Variants in MARCHF1 observed in about 807,000 individuals in gnomAD.
MARCHF1 encodes membrane associated ring-CH-type finger 1.
In MARCHF1, 40 loss-of-function variants were observed where a neutral mutation model predicts 54.2. The observed-to-expected ratio is 0.74, with a 90% confidence interval of 0.57 to 0.96. MARCHF1 has a LOEUF of 0.96. MARCHF1 is among the 40% of genes least tolerant of loss of function. The pLI is 0.00. For synonymous variants in MARCHF1, 236 were observed against 236.3 expected (o/e 1.00, Z 0.01); for missense variants, 586 against 656.5 (o/e 0.89, Z 1.17).
chr4:164,138,334 G>A (rs1252875563), intron 1 of MARCHF1, among the ~76,000 whole-genome samples: 1 of 151,666 alleles, frequency 6.6e-6, no homozygotes. Context: ...AAGTTTGGCA[G>A]TATACATACC....
chr4:163,560,474 C>T (rs974273432), intron 8 of MARCHF1, among the ~76,000 whole-genome samples: 1 of 152,096 alleles, frequency 6.6e-6, no homozygotes, highest in Non-Finnish European at 1.5e-5. Context: ...TCAATTTTGT[C>T]ATTTTTCAAA....
rs745511868 is a variant in MARCHF1 at position 163,528,826 on chromosome 4, C to G, written c.1560G>C (p.Val520=). 3.7e-6 allele frequency: 6 copies of G among 1,613,310 alleles called. No individual in the cohort carries two copies. The highest frequency in any genetic ancestry group is 5.1e-6 in the Non-Finnish European group (6 of 1,179,528). The change falls in exon 10 of 10, where the codon GTG becomes GTC. Residue 520 remains valine (V), a synonymous_variant. Coordinates refer to ENST00000514618, the MANE Select transcript of MARCHF1 (RefSeq NM_001394959.1). ...CACCTGTTTGTGGTACAGGCACTAC[C>G]ACAGCATCTTTGATGTCTGTGTTTA... ...CNVNTDIKDA[V]VVPVPQTGAN...
chr4:163,872,668 T>C (rs1422222768), intron 3 of MARCHF1, among the ~76,000 whole-genome samples: 1 of 152,310 alleles, frequency 6.6e-6, no homozygotes, highest in Admixed American at 6.5e-5. Context: ...AATACTAGTG[T>C]ATGTGCATGT....
At chr4:163,793,885 C>T (rs928500638) in intron 4 of MARCHF1, among the ~76,000 whole-genome samples, 2 of 152,164 alleles carry the variant, frequency 1.3e-5, no homozygotes, top group African/African-American at 4.8e-5. Context: ...ACAGGAATTG[C>T]TCACTCAGGG....
intron 9 of MARCHF1, among the ~76,000 whole-genome samples, chr4:163,540,976 A>C (rs978566124): frequency 2.6e-5 from 4 of 152,152 alleles, no homozygotes; most frequent in Admixed American, 1.3e-4. Flanking sequence ...GCAGTGAGCC[A>C]AGATCGCACC....
chr4:163,947,960 T>G (rs1211192068), intron 3 of MARCHF1, among the ~76,000 whole-genome samples: 2 of 152,252 alleles, frequency 1.3e-5, no homozygotes, highest in Non-Finnish European at 2.9e-5. Flanking sequence ...ATTAGCAAGA[T>G]TCTAAAGGTA....
intron 1 of MARCHF1, among the ~76,000 whole-genome samples, chr4:164,112,078 G>T (rs960556170): frequency 1.3e-5 from 2 of 151,896 alleles, no homozygotes; most frequent in Admixed American, 1.3e-4. Context: ...ATTTGATCTA[G>T]TTGTTTGATA....
chr4:164,101,492 A>G (rs1755558821), intron 2 of MARCHF1, among the ~76,000 whole-genome samples: 1 of 126,070 alleles, frequency 7.9e-6, no homozygotes, highest in Non-Finnish European at 1.8e-5. Flanking sequence ...GGCACCCCCC[A>G]GCAGGGGCAC....
chr4:164,142,504 G>A (rs1439328500), intron 1 of MARCHF1, among the ~76,000 whole-genome samples: 2 of 152,180 alleles, frequency 1.3e-5, no homozygotes, highest in Admixed American at 6.5e-5. Flanking sequence ...CCTCAAGTGG[G>A]TCCCTGACCC....
At chr4:163,787,887 T>C (rs919841649) in intron 4 of MARCHF1, among the ~76,000 whole-genome samples, 9 of 152,090 alleles carry the variant, frequency 5.9e-5, no homozygotes, top group African/African-American at 1.4e-4. Flanking sequence ...TGGGATATTA[T>C]ACAACCTTAA....
At chr4:163,987,569 G>GA (rs1046159440) in intron 3 of MARCHF1, among the ~76,000 whole-genome samples, 1 of 151,402 alleles carries the variant, frequency 6.6e-6, no homozygotes, top group Non-Finnish European at 1.5e-5. Flanking sequence ...ATTCTTGAGG[G>GA]AAAAAAAAGG....
intron 1 of MARCHF1, among the ~76,000 whole-genome samples, chr4:164,284,829 T>C (rs1437593219): frequency 1.3e-5 from 2 of 151,168 alleles, no homozygotes; most frequent in Non-Finnish European, 2.9e-5. Context: ...TTAGCACATA[T>C]TTTCGATACA....
intron 2 of MARCHF1, among the ~76,000 whole-genome samples, chr4:164,085,626 C>G (rs1290419365): frequency 2.6e-5 from 4 of 151,722 alleles, no homozygotes; most frequent in Admixed American, 6.6e-5. Flanking sequence ...AAGGCACAGA[C>G]TGGAGAAATA....
chr4:164,365,907 CCCT>C (rs1433371484), intron 1 of MARCHF1, among the ~76,000 whole-genome samples: 3 of 152,004 alleles, frequency 2.0e-5, no homozygotes, highest in Admixed American at 1.3e-4. Context: ...CTTAATCTCC[CCCT>C]CCTCCTATCC....
intron 1 of MARCHF1, among the ~76,000 whole-genome samples, chr4:164,376,353 G>A (rs1264234189): frequency 3.3e-5 from 5 of 152,062 alleles, no homozygotes; most frequent in Admixed American, 2.6e-4. Flanking sequence ...CATTGTAATG[G>A]ATGTAGCTTA....
At chr4:163,742,844 C>A (rs772637091) in intron 4 of MARCHF1, among the ~76,000 whole-genome samples, 1 of 152,026 alleles carries the variant, frequency 6.6e-6, no homozygotes, top group Non-Finnish European at 1.5e-5. Context: ...AAACTATCAC[C>A]CAATTGATTT....
intron 1 of MARCHF1, among the ~76,000 whole-genome samples, chr4:164,332,198 T>C (rs1735450911): frequency 6.6e-6 from 1 of 152,198 alleles, no homozygotes; most frequent in African/African-American, 2.4e-5. Flanking sequence ...ATTTGTCACT[T>C]TCAGCACACC....
chr4:163,871,062 T>C (rs1489676481), intron 3 of MARCHF1, among the ~76,000 whole-genome samples: 2 of 152,166 alleles, frequency 1.3e-5, no homozygotes, highest in African/African-American at 4.8e-5. Flanking sequence ...TTATTATACA[T>C]TGTATACAGG....
chr4:163,562,062 C>T (rs34305440), intron 8 of MARCHF1, among the ~76,000 whole-genome samples: 47,699 of 151,834 alleles, frequency 0.31, 9,013 homozygotes, highest in Non-Finnish European at 0.42. Context: ...TTTGGGAGGC[C>T]GAGGTGGGCA....
Sources: gnomAD v4.1 joint callset for allele counts (sites outside exome capture counted in the v4.1 genomes callset) on GRCh38, gnomAD v4.1.1 for gene constraint, MANE v1.5 for transcripts, NCBI Gene and HGNC (gene_info 2026-07-23, HGNC 2026-07-21) for gene names.